PARD3B: variants seen among roughly 807,000 people sequenced by gnomAD.
The protein encoded by PARD3B is par-3 family cell polarity regulator beta.
Under a neutral mutation model 130.2 loss-of-function variants are expected in PARD3B, and 103 were observed. The ratio of observed to expected loss-of-function variants is 0.79; its 90% CI spans 0.67 to 0.93. PARD3B has a LOEUF of 0.93. Ranked by LOEUF, PARD3B falls within the 40% of genes least tolerant of loss-of-function variation. The pLI is 0.00. For synonymous variants in PARD3B, 583 were observed against 553.2 expected (o/e 1.05, Z -0.76); for missense variants, 1,609 against 1,499.2 (o/e 1.07, Z -1.21).
chr2:204,926,435 G>A (rs1687623425), intron 2 of PARD3B, among the ~76,000 whole-genome samples: 1 of 151,994 alleles, frequency 6.6e-6, no homozygotes, highest in Non-Finnish European at 1.5e-5. Flanking sequence ...TGTTCTCTGA[G>A]GAAAATAGCA....
At chr2:205,326,355 G>A (rs2042939508) in intron 18 of PARD3B, among the ~76,000 whole-genome samples, 1 of 152,118 alleles carries the variant, frequency 6.6e-6, no homozygotes, top group South Asian at 2.1e-4. Flanking sequence ...TATTCCATTA[G>A]GGACACAATT....
intron 3 of PARD3B, among the ~76,000 whole-genome samples, chr2:205,044,174 A>T (rs1166346923): frequency 1.0e-3 from 159 of 151,972 alleles, no homozygotes; most frequent in African/African-American, 3.7e-3. Context: ...CATGGTGTAT[A>T]CGTGCCACAT....
Position 205,449,431 on chromosome 2 carries a change from G to A in PARD3B, c.3044+8759G>A, listed in dbSNP as rs375181819. On this transcript the variant is annotated intron_variant, in intron 20 of 22. Transcript: ENST00000406610. ...TTTTTAGTAGAGGCAGGGTTTCATC[G>A]TGTTGGCCAGGCTGGTCTCGAACTC... Among the ~76,000 whole-genome samples, 1,447 of 151,742 alleles carry A rather than the reference G, an allele frequency of 9.5e-3. 21 individuals carry two copies. Among genetic ancestry groups the A allele is most frequent in the African/African-American group, 0.032 (1,332 of 41,386 alleles).
intron 20 of PARD3B, among the ~76,000 whole-genome samples, chr2:205,471,193 G>A (rs554236225): frequency 6.6e-6 from 1 of 152,004 alleles, no homozygotes; most frequent in South Asian, 2.1e-4. Flanking sequence ...AGATCCATAG[G>A]TAGACACATG....
intron 4 of PARD3B, among the ~76,000 whole-genome samples, chr2:205,079,146 A>G (rs1485097716): frequency 6.6e-6 from 1 of 152,250 alleles, no homozygotes; most frequent in African/African-American, 2.4e-5. Flanking sequence ...ATGCAGCAAT[A>G]ACGACCAGAA....
At position 204,745,459 on chromosome 2, in the gene PARD3B, A is replaced by G. The variant is rs551840867; in HGVS notation, c.222+59177A>G. Among the ~76,000 whole-genome samples the G allele has an allele frequency of 4.6e-5, 7 of 151,242 alleles. No homozygotes were observed. The East Asian group carries it at 1.4e-3, about 29-fold the overall frequency. On this transcript the variant is annotated intron_variant, in intron 2 of 22. Coordinates refer to ENST00000406610, the MANE Select transcript of PARD3B (RefSeq NM_001302769.2). Reference sequence around the variant, plus strand: ...GCTCTGTCACCTGGGCTGGAGTGCAACTGTGCGATCTCGGCTCACTGCAAC... The same window carrying G: ...GCTCTGTCACCTGGGCTGGAGTGCAGCTGTGCGATCTCGGCTCACTGCAAC...
At chr2:204,695,195 A>G (rs755484177) in intron 2 of PARD3B, among the ~76,000 whole-genome samples, 8 of 151,942 alleles carry the variant, frequency 5.3e-5, no homozygotes, top group Non-Finnish European at 7.4e-5. Flanking sequence ...TCTCTCTCAC[A>G]TTAGCTTCTT....
chr2:205,070,659 G>A (rs1575699347), intron 4 of PARD3B, among the ~76,000 whole-genome samples: 2 of 152,010 alleles, frequency 1.3e-5, no homozygotes, highest in South Asian at 2.1e-4. Flanking sequence ...TACATAATAA[G>A]TTTTGTTTTG....
chr2:204,549,707 A>G (rs1471378112), intron 1 of PARD3B, among the ~76,000 whole-genome samples: 1 of 151,634 alleles, frequency 6.6e-6, no homozygotes, highest in African/African-American at 2.4e-5. Flanking sequence ...GATGGCAGAT[A>G]CTGTGTCTTA....
At chr2:205,018,677 T>A (rs1156967527) in intron 3 of PARD3B, among the ~76,000 whole-genome samples, 1 of 127,976 alleles carries the variant, frequency 7.8e-6, no homozygotes, top group African/African-American at 3.0e-5. Context: ...AATTACACCT[T>A]ATAAGTTTGG....
chr2:204,904,790 C>T (rs985421081), intron 2 of PARD3B, among the ~76,000 whole-genome samples: 1 of 152,018 alleles, frequency 6.6e-6, no homozygotes, highest in Non-Finnish European at 1.5e-5. Context: ...GACATCACTA[C>T]ATGTCGTGAT....
chr2:205,408,611 T>G (rs2046490264), intron 19 of PARD3B, among the ~76,000 whole-genome samples: 1 of 152,178 alleles, frequency 6.6e-6, no homozygotes, highest in Admixed American at 6.5e-5. Context: ...ATTTTGTCAT[T>G]ATTGTACACT....
At chr2:204,952,542 T>G (rs1689863881) in intron 2 of PARD3B, among the ~76,000 whole-genome samples, 2 of 152,002 alleles carry the variant, frequency 1.3e-5, no homozygotes, top group South Asian at 4.1e-4. Context: ...AAAGGTAAAC[T>G]GGCAAAAAAT....
intron 19 of PARD3B, among the ~76,000 whole-genome samples, chr2:205,434,816 A>C (rs1481650718): frequency 2.0e-5 from 3 of 150,998 alleles, no homozygotes; most frequent in East Asian, 3.9e-4. Context: ...CTTTTGGTAC[A>C]GGGTATTTAA....
At chr2:204,611,473 T>A (rs894825668) in intron 1 of PARD3B, among the ~76,000 whole-genome samples, 1 of 152,192 alleles carries the variant, frequency 6.6e-6, no homozygotes, top group Admixed American at 6.5e-5. Context: ...GTTAAAATGT[T>A]ACTTTGGAAG....
chr2:205,056,283 A>G (rs1699628197), intron 4 of PARD3B, among the ~76,000 whole-genome samples: 2 of 152,078 alleles, frequency 1.3e-5, no homozygotes, highest in African/African-American at 4.8e-5. Flanking sequence ...AAATCTTGTC[A>G]TACAATGACA....
At chr2:204,546,819 T>G (rs1191128014) in intron 1 of PARD3B, among the ~76,000 whole-genome samples, 1 of 152,232 alleles carries the variant, frequency 6.6e-6, no homozygotes, top group Non-Finnish European at 1.5e-5. Context: ...GCTCTGTAGC[T>G]GAAGTCAGGA....
At chr2:205,257,916 A>G (rs1371476815) in intron 16 of PARD3B, among the ~76,000 whole-genome samples, 2 of 152,198 alleles carry the variant, frequency 1.3e-5, no homozygotes, top group African/African-American at 4.8e-5. Context: ...ACAATGACCT[A>G]CACCCTGGGT....
chr2:204,606,450 T>C lies in PARD3B; in HGVS notation c.120+60331T>C, dbSNP rs2033728834. Among the ~76,000 whole-genome samples the C allele has an allele frequency of 6.6e-6, 1 of 152,136 alleles. No individual in the cohort carries two copies. Among genetic ancestry groups the C allele is most frequent in the African/African-American group, 2.4e-5 (1 of 41,438 alleles). ...CTGATGAAGGCTCCATCTTAAACAT[T>C]TTTCCATGATCCAGAAGCATAGAAA... is the stretch of plus-strand genomic sequence containing the variant. On this transcript the variant is annotated intron_variant, in intron 1 of 22. Transcript: ENST00000406610. This position sits in a 1 kb window ranked among gnomAD's most constrained non-coding sequence, Gnocchi z 4.0.
Sources: gnomAD v4.1 joint callset for allele counts (sites outside exome capture counted in the v4.1 genomes callset) on GRCh38, gnomAD v4.1.1 for gene constraint, Gnocchi (gnomAD v3.1) non-coding constraint, MANE v1.5 for transcripts, NCBI Gene and HGNC (gene_info 2026-07-23, HGNC 2026-07-21) for gene names.